Variants in ARHGAP22 observed in about 807,000 individuals in gnomAD.
The protein encoded by ARHGAP22 is rho GTPase-activating protein 22.
Under a neutral mutation model 59.1 loss-of-function variants are expected in ARHGAP22, and 48 were observed. That is an observed-to-expected ratio of 0.81 (90% CI 0.64 to 1.03). The LOEUF (loss-of-function observed/expected upper bound fraction) is 1.03. ARHGAP22 is among the 50% of genes least tolerant of loss of function. The pLI is 0.00. For missense variants in ARHGAP22, 1,015 were observed against 958.7 expected, an observed-to-expected ratio of 1.06 and a Z score of -0.78; for synonymous variants, 445 against 416.4, an observed-to-expected ratio of 1.07 and a Z score of -0.84.
At chr10:48,578,313 C>G (rs2058884661) in intron 2 of ARHGAP22, among the ~76,000 whole-genome samples, 1 of 152,088 alleles carries the variant, frequency 6.6e-6, no homozygotes, top group Admixed American at 6.5e-5. Flanking sequence ...AGCAGCCTCT[C>G]CCTCATCTGT....
intron 6 of ARHGAP22, among the ~76,000 whole-genome samples, 155 bp from the exon 7 acceptor site, chr10:48,454,316 G>T (rs971508138): frequency 2.0e-5 from 3 of 152,190 alleles, no homozygotes; most frequent in Non-Finnish European, 2.9e-5. Context: ...CTCCCCTCAA[G>T]GAGTGGCCAG....
At chr10:48,598,128 C>G (rs1349186660) in intron 1 of ARHGAP22, among the ~76,000 whole-genome samples, 1 of 152,246 alleles carries the variant, frequency 6.6e-6, no homozygotes, top group Non-Finnish European at 1.5e-5. Flanking sequence ...TCTAAGAGCA[C>G]TGGTCAGGTG....
intron 4 of ARHGAP22, 121 bp downstream of exon 4, chr10:48,479,515 G>C: frequency 6.4e-7 from 1 of 1,565,168 alleles, no homozygotes; most frequent in Non-Finnish European, 8.7e-7. Flanking sequence ...GCTGTGAGAA[G>C]CACAGGATGC....
At chr10:48,493,651 T>C in intron 3 of ARHGAP22, 2 of 1,420,744 alleles carry the variant, frequency 1.4e-6, no homozygotes, top group Non-Finnish European at 1.8e-6. Flanking sequence ...AGGCCTTTTG[T>C]CTCTCCTGGG....
In ARHGAP22 at chr10:48,459,896, G is replaced by A; in HGVS notation, c.452-5C>T. 4 of 1,610,982 alleles carry A rather than the reference G, an allele frequency of 2.5e-6. No homozygotes were observed. In the South Asian group the frequency reaches 3.3e-5, roughly 13 times the overall value. The stretch of plus-strand genomic sequence containing the variant: ...CTAGGCGCTGCCCAAAGATCCCTGA[G>A]CACAGAGAGGAGCTAGTCACACCCT... On this transcript the variant is annotated splice_polypyrimidine_tract_variant and splice_region_variant and intron_variant, in intron 4 of 9. Transcript: ENST00000249601.
intron 2 of ARHGAP22, among the ~76,000 whole-genome samples, chr10:48,568,140 T>C (rs1169256811): frequency 6.6e-6 from 1 of 152,204 alleles, no homozygotes; most frequent in African/African-American, 2.4e-5. Context: ...GGAGCTGTCT[T>C]ACTCTGATGG....
chr10:48,535,830 A>G (rs1284030471), intron 3 of ARHGAP22, among the ~76,000 whole-genome samples: 4 of 152,198 alleles, frequency 2.6e-5, no homozygotes, highest in Non-Finnish European at 4.4e-5. Context: ...GGTTGTCAGC[A>G]TTGGCTGTGA....
chr10:48,581,192 A>G (rs2059097772), intron 2 of ARHGAP22, among the ~76,000 whole-genome samples: 1 of 152,312 alleles, frequency 6.6e-6, no homozygotes, highest in Admixed American at 6.5e-5. Context: ...CACTTTCCAG[A>G]GCTCAGCTGT....
chr10:48,512,888 C>A (rs2052923845), intron 3 of ARHGAP22, among the ~76,000 whole-genome samples: 1 of 152,186 alleles, frequency 6.6e-6, no homozygotes, highest in Non-Finnish European at 1.5e-5. Context: ...GGGACAAGGC[C>A]GCATCTAGAG....
intron 1 of ARHGAP22, among the ~76,000 whole-genome samples, chr10:48,651,176 G>C (rs2062545514): frequency 6.6e-6 from 1 of 152,140 alleles, no homozygotes; most frequent in African/African-American, 2.4e-5. Flanking sequence ...GGGGGAGCCT[G>C]GGAATTTTTA....
intron 1 of ARHGAP22, among the ~76,000 whole-genome samples, chr10:48,632,767 G>T (rs1454843680): frequency 6.6e-6 from 1 of 152,172 alleles, no homozygotes; most frequent in Non-Finnish European, 1.5e-5. Context: ...GCTAGGAGCT[G>T]TGCCGTCTTT....
At chr10:48,526,436 A>G (rs1022241251) in intron 3 of ARHGAP22, among the ~76,000 whole-genome samples, 1 of 152,230 alleles carries the variant, frequency 6.6e-6, no homozygotes, top group Non-Finnish European at 1.5e-5. Context: ...TTCATGACAC[A>G]TAGGTGGGGG....
At chr10:48,461,789 G>A (rs1364099734) in intron 4 of ARHGAP22, among the ~76,000 whole-genome samples, 1 of 152,232 alleles carries the variant, frequency 6.6e-6, no homozygotes, top group Non-Finnish European at 1.5e-5. Flanking sequence ...TCCCTGCAGG[G>A]TGGCTTGTGG....
At chr10:48,496,859 T>G (rs139345671) in intron 3 of ARHGAP22, among the ~76,000 whole-genome samples, 9 of 152,144 alleles carry the variant, frequency 5.9e-5, no homozygotes, top group Non-Finnish European at 1.3e-4. Flanking sequence ...CCTCTGGAGA[T>G]TGGGGGGTAG....
chr10:48,448,571 G>A (rs1032327286), intron 9 of ARHGAP22, among the ~76,000 whole-genome samples: 23 of 152,046 alleles, frequency 1.5e-4, no homozygotes, highest in African/African-American at 5.3e-4. Flanking sequence ...CAGAGTCCTG[G>A]GAGCCAGGAC....
intron 1 of ARHGAP22, among the ~76,000 whole-genome samples, chr10:48,645,685 C>G (rs1245403632): frequency 6.6e-6 from 1 of 152,060 alleles, no homozygotes; most frequent in Non-Finnish European, 1.5e-5. Flanking sequence ...ACCCAGAGAC[C>G]AATATCATAT....
upstream of ARHGAP22, among the ~76,000 whole-genome samples, chr10:48,655,304 G>C (rs951654142): frequency 6.7e-6 from 1 of 148,576 alleles, no homozygotes; most frequent in African/African-American, 2.5e-5. Context: ...CCTCTGGTTA[G>C]GGAATTTTTA....
At chr10:48,600,551 CA>C (rs5784770) in intron 1 of ARHGAP22, among the ~76,000 whole-genome samples, 1,633 of 138,696 alleles carry the variant, frequency 0.012, 8 homozygotes, top group African/African-American at 0.02. Flanking sequence ...GAGGAGTATT[CA>C]AAAAAAAAAA....
chr10:48,541,092 G>A (rs576185168), intron 3 of ARHGAP22, among the ~76,000 whole-genome samples: 2 of 152,100 alleles, frequency 1.3e-5, no homozygotes, highest in Non-Finnish European at 2.9e-5. Flanking sequence ...AAGCTCCCAG[G>A]TGATGCTGAT....
Sources: allele counts gnomAD v4.1 joint callset (sites outside exome capture counted in the v4.1 genomes callset), GRCh38; gene constraint gnomAD v4.1.1; transcripts MANE v1.5; gene names NCBI Gene and HGNC (gene_info 2026-07-23, HGNC 2026-07-21).